The following GBP7 variants were observed in gnomAD, a reference collection of about 807,000 sequenced individuals.
GBP7 encodes the protein guanylate-binding protein 7.
In GBP7, 43 loss-of-function variants were observed where a neutral mutation model predicts 61.3. The observed-to-expected ratio is 0.70, with a 90% CI of 0.55 to 0.91. The LOEUF (loss-of-function observed/expected upper bound fraction) is 0.91, where lower values mean the gene tolerates loss of function less well. Among genes scored for constraint, GBP7 ranks in the 40% least tolerant of loss-of-function variants. The pLI is 0.00. For missense variants in GBP7, 717 were observed against 740.5 expected (o/e 0.97, Z 0.37); for synonymous variants, 267 against 271.0 (o/e 0.99, Z 0.14).
chr1:89,168,978 A>AC (rs1553127060), intron 2 of GBP7, among the ~76,000 whole-genome samples: 1,544 of 76,634 alleles, frequency 0.02, 26 homozygotes, highest in African/African-American at 0.069. Context: ...TCAAGTTAAA[A>AC]AAAAAACAAA....
chr1:89,158,971 G>C (rs1682374221), intron 3 of GBP7, among the ~76,000 whole-genome samples: 2 of 152,138 alleles, frequency 1.3e-5, no homozygotes, highest in Admixed American at 1.3e-4. Context: ...ATACTACAAG[G>C]CTACAGTAAG....
At chr1:89,154,395 C>T (rs1479349047) in intron 3 of GBP7, among the ~76,000 whole-genome samples, 2 of 152,004 alleles carry the variant, frequency 1.3e-5, no homozygotes, top group Non-Finnish European at 2.9e-5. Context: ...GCTCTGTTGC[C>T]CAGGCTGCAG....
intron 3 of GBP7, among the ~76,000 whole-genome samples, chr1:89,161,078 C>G (rs1230698073): frequency 6.6e-6 from 1 of 152,110 alleles, no homozygotes; most frequent in East Asian, 1.9e-4. Context: ...GGATAATGAC[C>G]TCCAGCTCCA....
chr1:89,152,408 T>A lies in GBP7; in HGVS notation c.485A>T (p.Glu162Val). The A allele has an allele frequency of 2.5e-6, 4 of 1,614,172 alleles. No individual in the cohort carries two copies. Among genetic ancestry groups the A allele is most frequent in the Non-Finnish European group, 3.4e-6 (4 of 1,180,024 alleles). Reference protein sequence around the residue: ...IRAKSCPRPDEVEDSSEFVSF... With the variant: ...IRAKSCPRPDVVEDSSEFVSF... Reference sequence around the variant, plus strand: ...CACAAACTCGCTGGAGTCCTCAACTTCATCAGGTCTGGGGCACGATTTTGC... The same window carrying A: ...CACAAACTCGCTGGAGTCCTCAACTACATCAGGTCTGGGGCACGATTTTGC... Residue 162 changes from glutamate (E) to valine (V), a missense_variant, in exon 5 of 11, where the codon GAA becomes GTA. By Grantham distance (121) the Glu-to-Val change is moderately radical. This residue lies in a region of GBP7 where 387 missense variants were observed against 385.2 expected (regional missense o/e 1.00). Transcript: ENST00000294671.
intron 7 of GBP7, among the ~76,000 whole-genome samples, chr1:89,148,859 G>A (rs966134655): frequency 1.5e-4 from 23 of 152,186 alleles, no homozygotes; most frequent in Admixed American, 7.9e-4. Context: ...AATTCTATAT[G>A]TATAATGCTT....
Position 89,132,241 on chromosome 1 carries a change from G to A in GBP7, c.1825C>T (p.Pro609Ser). The change falls in exon 11 of 11, where the codon CCT becomes TCT. Residue 609 changes from proline (P) to serine (S), a missense_variant. Around this residue, in one of 3 missense-constraint regions of GBP7, gnomAD observed 312 missense variants for 310.1 expected, o/e 1.01. Coordinates refer to ENST00000294671, the MANE Select transcript of GBP7 (RefSeq NM_207398.3). ...AAATCAACTAGCTTAGCAGCCCCAG[G>A]TAGTGCTGCAATAAATATACTGCCA... is the stretch of plus-strand genomic sequence containing the variant. ...VAGSIFIAAL[P>S]GAAKLVDLGM... 1 of 1,612,928 alleles carries A rather than the reference G, an allele frequency of 6.2e-7. No individual in the cohort carries two copies.
rs182057240 is a variant in GBP7, at chr1:89,152,820, T to C, written c.319-43A>G. The C allele has an allele frequency of 6.9e-3, 10,325 of 1,488,672 alleles. 46 individuals carry two copies. The highest frequency in any genetic ancestry group is 8.3e-3 in the Non-Finnish European group (9,018 of 1,090,856). The allele number at this position is 1,488,672 out of a possible 1,614,324, so 92.2% of individuals were successfully genotyped here. ...AAAAAAAAAAATGGAAGCCACAGTT[T>C]AGATACATCTCAAGGTCAACTACTT... is the stretch of plus-strand genomic sequence containing the variant. On this transcript the variant is annotated intron_variant, in intron 3 of 10. Transcript: ENST00000294671.
chr1:89,143,863 G>C (rs1682008499), intron 8 of GBP7, among the ~76,000 whole-genome samples: 1 of 152,296 alleles, frequency 6.6e-6, no homozygotes, highest in African/African-American at 2.4e-5. Context: ...AATTCAATAT[G>C]AGGTTTGAGT....
chr1:89,136,847 A>G (rs915467995), intron 9 of GBP7, among the ~76,000 whole-genome samples: 7 of 152,260 alleles, frequency 4.6e-5, no homozygotes, highest in Middle Eastern at 3.4e-3. Flanking sequence ...AAAACCATAC[A>G]AAAGATCAAT....
intron 9 of GBP7, among the ~76,000 whole-genome samples, chr1:89,138,366 T>G (rs924929657): frequency 1.3e-5 from 2 of 152,130 alleles, no homozygotes; most frequent in East Asian, 1.9e-4. Flanking sequence ...AAGGCACTCC[T>G]AAGCAAAAAG....
chr1:89,172,300 A>G (rs115448501), intron 1 of GBP7, among the ~76,000 whole-genome samples: 1,720 of 152,272 alleles, frequency 0.011, 28 homozygotes, highest in African/African-American at 0.039. Flanking sequence ...CCTTATTCAC[A>G]TTTCACCATT....
intron 2 of GBP7, among the ~76,000 whole-genome samples, chr1:89,168,496 AAGGT>A (rs1647503981): frequency 6.6e-6 from 1 of 152,196 alleles, no homozygotes; most frequent in Non-Finnish European, 1.5e-5. Context: ...AAACAAAAGA[AAGGT>A]AAATTTGTTA....
intron 3 of GBP7, among the ~76,000 whole-genome samples, chr1:89,159,515 G>GA (rs998966591): frequency 4.6e-5 from 7 of 151,400 alleles, no homozygotes; most frequent in Non-Finnish European, 7.4e-5. Context: ...AAAGTTACAA[G>GA]AAAAAAATCA....
chr1:89,169,271 G>T (rs543104736), intron 2 of GBP7, among the ~76,000 whole-genome samples: 1 of 152,302 alleles, frequency 6.6e-6, no homozygotes, highest in South Asian at 2.1e-4. Flanking sequence ...CATGTTTTGT[G>T]TATGTAATAA....
At position 89,160,181 on chromosome 1, in the gene GBP7, G is replaced by A. The variant is rs970200516; in HGVS notation, c.318+4550C>T. Among the ~76,000 whole-genome samples, 7 of 152,228 alleles carry A rather than the reference G, an allele frequency of 4.6e-5. No homozygotes were observed. In the South Asian group the frequency reaches 1.2e-3, roughly 27 times the overall value. On this transcript the variant is annotated intron_variant, in intron 3 of 10. Transcript: ENST00000294671. ...AACAATGAGATCACTTGGACACAGG[G>A]TGAGGAACATCACACACTGGGGCCT...
At chr1:89,150,167 A>C (rs559068095) in intron 6 of GBP7, among the ~76,000 whole-genome samples, 163 bp downstream of exon 6, 1 of 152,336 alleles carries the variant, frequency 6.6e-6, no homozygotes, top group African/African-American at 2.4e-5. Context: ...TAAATTCACA[A>C]TACAGCTTTT....
intron 3 of GBP7, among the ~76,000 whole-genome samples, chr1:89,157,364 C>T (rs147840853): frequency 0.013 from 1,919 of 152,090 alleles, 28 homozygotes; most frequent in Non-Finnish European, 0.015. Flanking sequence ...CAGAGCAGAG[C>T]TGAAGGAGAT....
intron 8 of GBP7, among the ~76,000 whole-genome samples, chr1:89,142,960 T>G (rs987346680): frequency 6.6e-6 from 1 of 152,198 alleles, no homozygotes; most frequent in Non-Finnish European, 1.5e-5. Context: ...TTGATGGACA[T>G]TAGGGTAAAA....
At chr1:89,141,102 C>T (rs964798275) in intron 9 of GBP7, among the ~76,000 whole-genome samples, 1 of 151,624 alleles carries the variant, frequency 6.6e-6, no homozygotes, top group African/African-American at 2.4e-5. Flanking sequence ...GTACTATGCT[C>T]ATTATCTGGG....
Sources: allele counts gnomAD v4.1 joint callset (sites outside exome capture counted in the v4.1 genomes callset), GRCh38; gene constraint gnomAD v4.1.1; regional missense constraint gnomAD v4.1.1; transcripts MANE v1.5; gene names NCBI Gene and HGNC (gene_info 2026-07-23, HGNC 2026-07-21).